CMTR1: variants seen among roughly 807,000 people sequenced by gnomAD.
CMTR1 encodes the protein cap methyltransferase 1, also known as cap-specific mRNA (nucleoside-2'-O-)-methyltransferase 1.
In CMTR1, 39 loss-of-function variants were observed where a neutral mutation model predicts 107.0. That is an observed-to-expected ratio of 0.36 (90% CI 0.28 to 0.48). The LOEUF (loss-of-function observed/expected upper bound fraction) is 0.48, where lower values mean the gene tolerates loss of function less well. Among genes scored for constraint, CMTR1 ranks in the 20% least tolerant of loss-of-function variants. The pLI is 0.99. For synonymous variants in CMTR1, 366 were observed against 379.5 expected (o/e 0.96, Z 0.41); for missense variants, 672 against 1,064.9 (o/e 0.63, Z 5.14).
At position 37,479,992 on chromosome 6, in the gene CMTR1, TC is replaced by T; in HGVS notation, c.2376-18del. On this transcript the variant is annotated intron_variant, in intron 23 of 23. Coordinates refer to ENST00000373451, the MANE Select transcript of CMTR1 (RefSeq NM_015050.3). ...CATCTGGGTGCAGTCCTGACCTCTT[TC>T]CCATCCCTCTCCTCCCCAGCATTTG... is the stretch of plus-strand genomic sequence containing the variant. 1 of 1,558,112 alleles carries T rather than the reference TC, an allele frequency of 6.4e-7. No homozygotes were observed. The highest frequency in any genetic ancestry group is 2.4e-5 in the East Asian group (1 of 41,318).
chr6:37,462,747 T>C, intron 12 of CMTR1, 82 bp from the exon 13 acceptor site: 1 of 1,356,808 alleles, frequency 7.4e-7, no homozygotes, highest in Middle Eastern at 2.6e-4. Flanking sequence ...TTAAGCTTTG[T>C]GATTCCACAA....
intron 3 of CMTR1, among the ~76,000 whole-genome samples, chr6:37,445,178 GTGACTCAGTCAGCCTGTT>G (rs1465864070): frequency 6.6e-6 from 1 of 152,226 alleles, no homozygotes; most frequent in Non-Finnish European, 1.5e-5. Context: ...GGGAAGGCTT[GTGACTCAGTCAGCCTGTT>G]TGACCTGGGA....
At chr6:37,447,969 G>C (rs1165667516) in intron 4 of CMTR1, among the ~76,000 whole-genome samples, 3 of 152,082 alleles carry the variant, frequency 2.0e-5, no homozygotes, top group Admixed American at 1.3e-4. Context: ...CCAGCACTTT[G>C]GGAGGCCAAG....
chr6:37,432,420 C>T (rs567424579), upstream of CMTR1, among the ~76,000 whole-genome samples: 5 of 152,132 alleles, frequency 3.3e-5, no homozygotes, highest in South Asian at 4.2e-4. Flanking sequence ...GAGACAGTCA[C>T]GGGAGTTTGG....
rs746659472 is a variant in CMTR1, at chr6:37,444,095, T to A, written c.230T>A (p.Val77Glu). 9 of 1,614,226 alleles carry A rather than the reference T, an allele frequency of 5.6e-6. No individual in the cohort carries two copies. The Admixed American group carries it at 1.3e-4, about 24-fold the overall frequency. Reference sequence around the variant, plus strand: ...GATGCATTCAAAGCAGACTCTCTTGTGGAAGGAACTTCTTCTCGCTATTCC... The same window carrying A: ...GATGCATTCAAAGCAGACTCTCTTGAGGAAGGAACTTCTTCTCGCTATTCC... Reference protein sequence around the residue: ...FDDAFKADSLVEGTSSRYSMY... With the variant: ...FDDAFKADSLEEGTSSRYSMY... Residue 77 changes from valine to glutamate, a missense_variant, in exon 3 of 24, where the codon GTG becomes GAG. Coordinates refer to ENST00000373451, the MANE Select transcript of CMTR1 (RefSeq NM_015050.3).
the CMTR1 span, among the ~76,000 whole-genome samples, chr6:37,424,210 C>T: frequency 6.6e-6 from 1 of 151,784 alleles, no homozygotes; most frequent in East Asian, 1.9e-4. Context: ...CTGAGGACTC[C>T]CGTACCCTCA....
Position 37,460,544 on chromosome 6 carries a change from A to G in CMTR1, c.1095+860A>G, listed in dbSNP as rs183703151. 3.4e-3 allele frequency among the ~76,000 whole-genome samples: 509 copies of G among 148,264 alleles called. 3 individuals are homozygous for G. The highest frequency in any genetic ancestry group is 0.012 in the African/African-American group (488 of 40,236). On this transcript the variant is annotated intron_variant, in intron 10 of 23. Transcript: ENST00000373451. ...GGTGACCTGGGCTTTTTTTTTTTTT[A>G]ATTGACCCCATAATCAGGCATGCAT...
rs1039659985 is a variant in CMTR1 at position 37,480,272 on chromosome 6, GA to G, written c.*128del. Reference sequence around the variant, plus strand: ...TGGGGAGCATTGCACCTGGCATGAGGAGTGGGTGGCCTCCTCTCCATCCCCT... The same window carrying G: ...TGGGGAGCATTGCACCTGGCATGAGGGTGGGTGGCCTCCTCTCCATCCCCT... On this transcript the variant is annotated 3_prime_UTR_variant, in exon 24 of 24. Transcript: ENST00000373451. 1.3e-5 allele frequency: 19 copies of G among 1,479,158 alleles called. No individual in the cohort carries two copies. The African/African-American group carries it at 2.6e-4, about 21-fold the overall frequency. 91.6% of individuals were successfully genotyped at this position (1,479,158 alleles called of 1,614,324 possible). A position where few individuals can be genotyped will look rare whatever the true frequency, so the allele number is the denominator to read the frequency against.
At chr6:37,462,795 T>C in intron 12 of CMTR1, 34 bp from the exon 13 acceptor site, 1 of 1,605,328 alleles carries the variant, frequency 6.2e-7, no homozygotes, top group Non-Finnish European at 8.5e-7. Context: ...GAGGAAGCCC[T>C]TGCTCGGTGG....
chr6:37,429,799 G>A (rs181232605), upstream of CMTR1, among the ~76,000 whole-genome samples: 1 of 152,290 alleles, frequency 6.6e-6, no homozygotes, highest in African/African-American at 2.4e-5. Flanking sequence ...TTAGCCAGGC[G>A]TGGTGGCATG....
intron 8 of CMTR1, among the ~76,000 whole-genome samples, chr6:37,453,641 A>AGGGGAGTACT (rs1761230105): frequency 2.4e-5 from 1 of 41,792 alleles, no homozygotes; most frequent in Admixed American, 2.4e-4. Flanking sequence ...TGGTAATGAG[A>AGGGGAGTACT]GGGGAATATG....
At position 37,481,323 on chromosome 6, in the gene CMTR1, G is replaced by A. The variant is rs1761853102; in HGVS notation, c.*1178G>A. 30 of 1,205,330 alleles carry A rather than the reference G, an allele frequency of 2.5e-5. No homozygotes were observed. Among genetic ancestry groups the A allele is most frequent in the South Asian group, 6.1e-5 (4 of 65,754 alleles). The allele number at this position is 1,205,330 out of a possible 1,614,324, so 74.7% of individuals were successfully genotyped here. A position where few individuals can be genotyped will look rare whatever the true frequency, so the allele number is the denominator to read the frequency against. On this transcript the variant is annotated 3_prime_UTR_variant, in exon 24 of 24. Coordinates refer to ENST00000373451, the MANE Select transcript of CMTR1 (RefSeq NM_015050.3). ...TCCCAGTGCCAGGCTGGTTTCCATG[G>A]AGATAGGGCACTGAGGCTCCCGTGA... is the stretch of plus-strand genomic sequence containing the variant.
Position 37,464,799 on chromosome 6 carries a change from G to GT in CMTR1, c.1505+1792dup, listed in dbSNP as rs570438664. On this transcript the variant is annotated intron_variant, in intron 13 of 23. Coordinates refer to ENST00000373451, the MANE Select transcript of CMTR1 (RefSeq NM_015050.3). ...ACAAAGTTTTTGGTGGACAAATGTTGTAATTTCCCTTGGGTAAATACCTGA... is the reference window on the plus strand; with the variant it reads ...ACAAAGTTTTTGGTGGACAAATGTTGTTAATTTCCCTTGGGTAAATACCTGA... Among the ~76,000 whole-genome samples, 350 of 151,984 alleles carry GT rather than the reference G, an allele frequency of 2.3e-3. 1 individual carries two copies. Among genetic ancestry groups the GT allele is most frequent in the Non-Finnish European group, 4.4e-3 (299 of 67,988 alleles).
intron 23 of CMTR1, 56 bp downstream of exon 23, chr6:37,479,311 G>T: frequency 8.0e-7 from 1 of 1,245,742 alleles, no homozygotes; most frequent in Non-Finnish European, 1.2e-6. Context: ...ACTCCTGCAG[G>T]ATGCCAGCCA....
chr6:37,437,354 A>G (rs1014669186), intron 2 of CMTR1, among the ~76,000 whole-genome samples: 2 of 151,570 alleles, frequency 1.3e-5, no homozygotes, highest in African/African-American at 2.4e-5. Flanking sequence ...GTGAAACCCC[A>G]TCTCTACTAA....
intron 8 of CMTR1, among the ~76,000 whole-genome samples, chr6:37,454,291 G>T (rs1303761748): frequency 6.6e-6 from 1 of 152,122 alleles, no homozygotes; most frequent in African/African-American, 2.4e-5. Flanking sequence ...TAATGTTTCA[G>T]CTCCACCTAC....
In CMTR1 at chr6:37,472,038, G is replaced by T. The variant is rs991090057; in HGVS notation, c.1620+134G>T. 6.4e-6 allele frequency: 5 copies of T among 786,176 alleles called. No individual in the cohort carries two copies. The highest frequency in any genetic ancestry group is 1.7e-5 in the African/African-American group (1 of 57,510). 48.7% of individuals were successfully genotyped at this position (786,176 alleles called of 1,614,324 possible). On this transcript the variant is annotated intron_variant, in intron 15 of 23. Coordinates refer to ENST00000373451, the MANE Select transcript of CMTR1 (RefSeq NM_015050.3). This position sits in a 1 kb window ranked among gnomAD's most constrained non-coding sequence, Gnocchi z 4.1. ...CTGCTACCCTCACAGCATCCCAGAG[G>T]TTGACATCTCGGCATTGTTGGTAGT...
chr6:37,476,144 A>G lies in CMTR1; in HGVS notation c.2055A>G (p.Lys685=), dbSNP rs1233047794. The G allele has an allele frequency of 6.2e-7, 1 of 1,613,864 alleles. No homozygotes were observed. Among genetic ancestry groups the G allele is most frequent in the African/African-American group, 1.3e-5 (1 of 74,854 alleles). ...ATTGTAGAATTCAGCTTGCCGAGAA[A>G]TTTGTGAAAGCCGTTTCCAAGCCTA... The part of the protein sequence containing the change: ...HFNQRIQLAE[K]FVKAVSKPSR... Residue 685 remains lysine, a synonymous_variant, in exon 20 of 24, where the codon AAA becomes AAG. Transcript: ENST00000373451.
At position 37,473,685 on chromosome 6, in the gene CMTR1, G is replaced by A. The variant is rs377423882; in HGVS notation, c.1821+84G>A. The A allele has an allele frequency of 4.0e-5, 60 of 1,484,402 alleles. No homozygotes were observed. The African/African-American group carries it at 6.0e-4, about 15-fold the overall frequency. 92.0% of individuals were successfully genotyped at this position (1,484,402 alleles called of 1,614,324 possible). A position where few individuals can be genotyped will look rare whatever the true frequency, so the allele number is the denominator to read the frequency against. Reference sequence around the variant, plus strand: ...TCTGGACAGCTGCCTGCCACACTTGGTACATGTTCTCTTGGCATTAAGTAG... The same window carrying A: ...TCTGGACAGCTGCCTGCCACACTTGATACATGTTCTCTTGGCATTAAGTAG... On this transcript the variant is annotated intron_variant, in intron 17 of 23. Coordinates refer to ENST00000373451, the MANE Select transcript of CMTR1 (RefSeq NM_015050.3).
Sources: gnomAD v4.1 joint callset for allele counts (sites outside exome capture counted in the v4.1 genomes callset) on GRCh38, gnomAD v4.1.1 for gene constraint, Gnocchi (gnomAD v3.1) non-coding constraint, MANE v1.5 for transcripts, NCBI Gene and HGNC (gene_info 2026-07-23, HGNC 2026-07-21) for gene names.